Variants in DMC1 observed in about 807,000 individuals in gnomAD.
The protein encoded by DMC1 is meiotic recombination protein DMC1 homolog.
Under a neutral mutation model 50.1 loss-of-function variants are expected in DMC1, and 27 were observed. The observed-to-expected ratio is 0.54, with a 90% confidence interval of 0.40 to 0.74. The LOEUF (loss-of-function observed/expected upper bound fraction) is 0.74. Ranked by LOEUF, DMC1 falls within the 30% of genes least tolerant of loss-of-function variation. The pLI, the probability that DMC1 is intolerant of heterozygous loss-of-function variation, is 0.00. For missense variants in DMC1, 295 were observed against 420.2 expected, an observed-to-expected ratio of 0.70 and a Z score of 2.60; for synonymous variants, 148 against 136.1, an observed-to-expected ratio of 1.09 and a Z score of -0.61.
chr22:38,529,162 C>T (rs1428778114), intron 12 of DMC1, among the ~76,000 whole-genome samples: 1 of 152,142 alleles, frequency 6.6e-6, no homozygotes, highest in Non-Finnish European at 1.5e-5. Flanking sequence ...AGGCGTGTGC[C>T]ACCATGCCCT....
downstream of DMC1, among the ~76,000 whole-genome samples, chr22:38,515,973 C>G (rs2145743124): frequency 6.6e-6 from 1 of 152,226 alleles, no homozygotes; most frequent in East Asian, 1.9e-4. Flanking sequence ...AATAAACCCT[C>G]TTTTTTGAGT....
At chr22:38,532,188 T>C (rs375361245) in intron 12 of DMC1, among the ~76,000 whole-genome samples, 4 of 152,212 alleles carry the variant, frequency 2.6e-5, no homozygotes, top group Admixed American at 6.5e-5. Context: ...AAGCACTTCA[T>C]GTCCTGTGTA....
At position 38,539,356 on chromosome 22, in the gene DMC1, A is replaced by G; in HGVS notation, c.551T>C (p.Val184Ala). The change falls in exon 9 of 14, where the codon GTA (valine) becomes GCA (alanine). Residue 184 changes from valine to alanine, a missense_variant. Physicochemically the swap from Val to Ala is moderately conservative, Grantham distance 64. Coordinates refer to ENST00000216024, the MANE Select transcript of DMC1 (RefSeq NM_007068.4). ...ACGTGCATAAAGTACGTTGTCCAGT[A>G]CTGCATCATGGTCTACATTAAAGCG... The part of the protein sequence containing the change: ...ADRFNVDHDA[V>A]LDNVLYARAY... The G allele has an allele frequency of 1.2e-6, 2 of 1,614,122 alleles. No homozygotes were observed. Among genetic ancestry groups the G allele is most frequent in the Admixed American group, 1.7e-5 (1 of 60,008 alleles).
chr22:38,566,522 A>T (rs189418975), intron 4 of DMC1, 68 bp downstream of exon 4: 1 of 1,564,308 alleles, frequency 6.4e-7, no homozygotes, highest in African/African-American at 1.4e-5. Flanking sequence ...TCTAGTTTTC[A>T]TGAGAAAGCC....
At chr22:38,551,568 G>T (rs2090411498) in intron 7 of DMC1, among the ~76,000 whole-genome samples, 1 of 152,030 alleles carries the variant, frequency 6.6e-6, no homozygotes, top group Non-Finnish European at 1.5e-5. Context: ...GACTTCAGGA[G>T]ATCCTCCTGC....
At chr22:38,512,310 T>C in the DMC1 span, among the ~76,000 whole-genome samples, 2 of 152,012 alleles carry the variant, frequency 1.3e-5, no homozygotes, top group Admixed American at 6.6e-5. Context: ...TTGGTTTCTC[T>C]GACTAGAGCT....
chr22:38,538,187 A>G, intron 11 of DMC1, 108 bp downstream of exon 11: 1 of 867,022 alleles, frequency 1.2e-6, no homozygotes, highest in African/African-American at 1.7e-5. Context: ...CATAAAGGTA[A>G]TTTTATTTAA....
the DMC1 span, among the ~76,000 whole-genome samples, chr22:38,512,184 A>G: frequency 6.6e-6 from 1 of 152,164 alleles, no homozygotes; most frequent in Non-Finnish European, 1.5e-5. Flanking sequence ...CAGGTTGGCC[A>G]GGCTGGTCTC....
chr22:38,539,035 C>CA (rs201990795), intron 9 of DMC1, among the ~76,000 whole-genome samples: 175 of 112,446 alleles, frequency 1.6e-3, no homozygotes, highest in Middle Eastern at 0.015. Flanking sequence ...GACTCCATCT[C>CA]AAAAAAAAAA....
chr22:38,561,797 A>G (rs1020482692), intron 5 of DMC1, among the ~76,000 whole-genome samples: 16 of 152,190 alleles, frequency 1.1e-4, no homozygotes, highest in Admixed American at 7.9e-4. Context: ...TAAGGTAGGG[A>G]GAAAAAACCC....
At chr22:38,570,007 C>T (rs998520050) in intron 1 of DMC1, 36 bp downstream of exon 1, 1 of 152,290 alleles carries the variant, frequency 6.6e-6, no homozygotes, top group Non-Finnish European at 1.5e-5. Flanking sequence ...AGCGTCCCCT[C>T]AGAGTCTTCG....
At chr22:38,530,605 C>T (rs1194739166) in intron 12 of DMC1, among the ~76,000 whole-genome samples, 3 of 152,022 alleles carry the variant, frequency 2.0e-5, no homozygotes, top group Non-Finnish European at 4.4e-5. Flanking sequence ...ATAAAAGCAC[C>T]TGGCACATGG....
chr22:38,511,459 G>A, the DMC1 span, among the ~76,000 whole-genome samples: 1 of 151,806 alleles, frequency 6.6e-6, no homozygotes, highest in Non-Finnish European at 1.5e-5. Flanking sequence ...TGTGTGTGTG[G>A]TTCCAGATAC....
chr22:38,530,165 C>T (rs181709532), intron 12 of DMC1, among the ~76,000 whole-genome samples: 22 of 152,030 alleles, frequency 1.4e-4, no homozygotes, highest in Admixed American at 1.2e-3. Context: ...TGCAGTTTTG[C>T]CATGTTGGCC....
At chr22:38,561,326 A>G (rs1265281883) in intron 5 of DMC1, among the ~76,000 whole-genome samples, 6 of 152,012 alleles carry the variant, frequency 3.9e-5, no homozygotes, top group African/African-American at 1.4e-4. Flanking sequence ...TGTCTTTTAA[A>G]TCTCTTTAAT....
intron 12 of DMC1, among the ~76,000 whole-genome samples, chr22:38,528,063 A>ATTT (rs913046899): frequency 7.1e-6 from 1 of 139,914 alleles, no homozygotes. Flanking sequence ...TATATATTGA[A>ATTT]TTTTTTTTTT....
At chr22:38,537,007 C>A (rs757388264) in intron 12 of DMC1, among the ~76,000 whole-genome samples, 1 of 151,906 alleles carries the variant, frequency 6.6e-6, no homozygotes, top group African/African-American at 2.4e-5. Context: ...CACGCCACCA[C>A]GCCCAGCTAA....
intron 9 of DMC1, 133 bp downstream of exon 9, chr22:38,539,188 T>G: frequency 1.5e-6 from 1 of 684,812 alleles, no homozygotes; most frequent in South Asian, 1.7e-5. Context: ...ATGATAAAAT[T>G]TATAGACTGA....
chr22:38,530,345 T>TA lies in DMC1; in HGVS notation c.836+7246dup, dbSNP rs1306042957. Among the ~76,000 whole-genome samples the TA allele has an allele frequency of 3.3e-3, 483 of 146,104 alleles. 6 individuals are homozygous for TA. Among genetic ancestry groups the TA allele is most frequent in the African/African-American group, 0.011 (447 of 39,968 alleles). ...ATTTTGAGGAAAGAGAAGAGGTGGT[T>TA]AAAAAAAAAAGGGTATGTTTAAGAA... On this transcript the variant is annotated intron_variant, in intron 12 of 13. Transcript: ENST00000216024.
Sources: allele counts gnomAD v4.1 joint callset (sites outside exome capture counted in the v4.1 genomes callset), GRCh38; gene constraint gnomAD v4.1.1; transcripts MANE v1.5; gene names NCBI Gene and HGNC (gene_info 2026-07-23, HGNC 2026-07-21).